STAM: variants seen among roughly 807,000 people sequenced by gnomAD.
The protein encoded by STAM is signal transducing adaptor molecule, also known as signal transducing adapter molecule 1.
STAM carries 16 observed loss-of-function variants against 63.4 expected under a neutral mutation model. The ratio of observed to expected loss-of-function variants is 0.25; its 90% CI spans 0.17 to 0.38. The LOEUF is 0.38. Among genes scored for constraint, STAM ranks in the 10% least tolerant of loss-of-function variants. STAM has a pLI of 1.00. For synonymous variants in STAM, 238 were observed against 223.9 expected (o/e 1.06, Z -0.56); for missense variants, 636 against 657.1 (o/e 0.97, Z 0.35).
At chr10:17,675,935 T>C (rs1390340053) in intron 2 of STAM, among the ~76,000 whole-genome samples, 2 of 152,124 alleles carry the variant, frequency 1.3e-5, no homozygotes, top group Non-Finnish European at 2.9e-5. Context: ...TGTGGTGGAA[T>C]CAGATTATCT....
intron 6 of STAM, among the ~76,000 whole-genome samples, chr10:17,694,370 A>G (rs1554827172): frequency 6.6e-6 from 1 of 152,174 alleles, no homozygotes; most frequent in African/African-American, 2.4e-5. Flanking sequence ...AGTAGCTTTA[A>G]AGTTTTGTTT....
At chr10:17,683,905 G>A (rs1406375577) in intron 2 of STAM, among the ~76,000 whole-genome samples, 1 of 152,172 alleles carries the variant, frequency 6.6e-6, no homozygotes, top group Non-Finnish European at 1.5e-5. Flanking sequence ...CTGTTAAGGA[G>A]TATTGGACTT....
At chr10:17,705,767 T>A in intron 12 of STAM, 26 bp downstream of exon 12, 1 of 1,602,386 alleles carries the variant, frequency 6.2e-7, no homozygotes, top group South Asian at 1.1e-5. Context: ...CCCATGTTGT[T>A]TTAAATTCTC....
intron 2 of STAM, among the ~76,000 whole-genome samples, chr10:17,663,541 TCTTC>T (rs1286219772): frequency 1.3e-5 from 2 of 152,094 alleles, no homozygotes; most frequent in Admixed American, 1.3e-4. Flanking sequence ...TTCCTTTTCT[TCTTC>T]CTTCCCTCCT....
At chr10:17,673,233 A>C (rs1390856712) in intron 2 of STAM, among the ~76,000 whole-genome samples, 1 of 152,082 alleles carries the variant, frequency 6.6e-6, no homozygotes, top group Non-Finnish European at 1.5e-5. Flanking sequence ...TTTCCCCCTC[A>C]TGGCTTTATT....
chr10:17,700,332 G>C (rs1835937158), intron 9 of STAM, 53 bp downstream of exon 9: 1 of 1,384,034 alleles, frequency 7.2e-7, no homozygotes, highest in Admixed American at 2.4e-5. Context: ...AAATTTAAAT[G>C]GTTTTGCTTT....
intron 1 of STAM, among the ~76,000 whole-genome samples, chr10:17,659,115 C>CT (rs147615362): frequency 0.27 from 40,214 of 148,756 alleles, 5,489 homozygotes; most frequent in African/African-American, 0.33. Context: ...TTTTTAAAAT[C>CT]TTTTTTTTTT....
At position 17,654,939 on chromosome 10, in the gene STAM, G is replaced by C. The variant is rs576782121; in HGVS notation, c.41-5525G>C. ...TTTTCACAAAGTAGTCTGTATTTCA[G>C]CCAGCCTAGATTCTTCATTATACTT... On this transcript the variant is annotated intron_variant, in intron 1 of 13. Coordinates refer to ENST00000377524, the MANE Select transcript of STAM (RefSeq NM_003473.4). 2.0e-5 allele frequency among the ~76,000 whole-genome samples: 3 copies of C among 152,230 alleles called. No individual in the cohort carries two copies. In the South Asian group the frequency reaches 6.2e-4, roughly 32 times the overall value.
chr10:17,664,779 G>T (rs972495366), intron 2 of STAM, among the ~76,000 whole-genome samples: 1 of 152,032 alleles, frequency 6.6e-6, no homozygotes, highest in Non-Finnish European at 1.5e-5. Context: ...CAACAATCTA[G>T]ATTTAGAAAA....
chr10:17,687,250 G>T (rs1430688654), intron 4 of STAM, among the ~76,000 whole-genome samples: 1 of 152,104 alleles, frequency 6.6e-6, no homozygotes, highest in African/African-American at 2.4e-5. Context: ...TGAGGCGGGC[G>T]AATCAGTTGG....
At chr10:17,675,491 G>A (rs1834811420) in intron 2 of STAM, among the ~76,000 whole-genome samples, 1 of 146,170 alleles carries the variant, frequency 6.8e-6, no homozygotes, top group Non-Finnish European at 1.5e-5. Context: ...GAGACAGAGT[G>A]AGACTCTGTC....
intron 6 of STAM, 172 bp from the exon 7 acceptor site, chr10:17,694,877 G>T: frequency 1.9e-6 from 1 of 525,568 alleles, no homozygotes; most frequent in Non-Finnish European, 3.1e-6. Context: ...TTTCAGTTGT[G>T]AATGAATGAA....
chr10:17,683,823 A>G (rs1490180758), intron 2 of STAM, among the ~76,000 whole-genome samples: 2 of 152,120 alleles, frequency 1.3e-5, no homozygotes, highest in African/African-American at 4.8e-5. Context: ...TCTTCATATC[A>G]TGTCTTCATA....
chr10:17,697,461 G>A (rs1182854412), intron 8 of STAM, among the ~76,000 whole-genome samples: 1 of 152,208 alleles, frequency 6.6e-6, no homozygotes, highest in African/African-American at 2.4e-5. Flanking sequence ...CAGATATTCA[G>A]AAGGAGCCAT....
At chr10:17,702,306 T>G (rs2131676131) in intron 9 of STAM, among the ~76,000 whole-genome samples, 1 of 152,280 alleles carries the variant, frequency 6.6e-6, no homozygotes, top group Non-Finnish European at 1.5e-5. Context: ...TAGAAAACTT[T>G]CAAGTATATT....
intron 2 of STAM, among the ~76,000 whole-genome samples, chr10:17,680,988 G>T (rs1459403210): frequency 6.6e-6 from 1 of 152,168 alleles, no homozygotes; most frequent in Non-Finnish European, 1.5e-5. Context: ...TATATACCTG[G>T]AAGTGGAATT....
intron 8 of STAM, among the ~76,000 whole-genome samples, chr10:17,697,938 A>G (rs1384924201): frequency 2.0e-5 from 3 of 152,190 alleles, no homozygotes; most frequent in Non-Finnish European, 4.4e-5. Flanking sequence ...TTTTAAGAAA[A>G]AAAATCTTTG....
intron 11 of STAM, 114 bp from the exon 12 acceptor site, chr10:17,705,474 A>G (rs1836218716): frequency 1.6e-6 from 2 of 1,217,692 alleles, no homozygotes; most frequent in South Asian, 1.6e-5. Flanking sequence ...GAAATTTTTA[A>G]TAATGTCTAC....
chr10:17,669,449 A>AAC (rs1403156303), intron 2 of STAM, among the ~76,000 whole-genome samples: 1 of 151,898 alleles, frequency 6.6e-6, no homozygotes, highest in African/African-American at 2.4e-5. Context: ...CTGGGTTAAA[A>AAC]ACAAAACTTT....
Sources: allele counts gnomAD v4.1 joint callset (sites outside exome capture counted in the v4.1 genomes callset), GRCh38; gene constraint gnomAD v4.1.1; transcripts MANE v1.5; gene names NCBI Gene and HGNC (gene_info 2026-07-23, HGNC 2026-07-21).